ZNF829: variants seen among roughly 807,000 people sequenced by gnomAD.
ZNF829 encodes the protein zinc finger protein 829.
Under a neutral mutation model 35.2 loss-of-function variants are expected in ZNF829, and 25 were observed. That is an observed-to-expected ratio of 0.71 (90% CI 0.52 to 0.99). The LOEUF is 0.99. ZNF829 is among the 50% of genes least tolerant of loss of function. The probability of loss-of-function intolerance (pLI) is 0.00; values close to 1 mark genes in which losing one functional copy is unlikely to be tolerated. For missense variants in ZNF829, 417 were observed against 515.3 expected (o/e 0.81, Z 1.85); for synonymous variants, 136 against 163.2 (o/e 0.83, Z 1.27).
chr19:36,900,524 A>C (rs1382374754), intron 5 of ZNF829, among the ~76,000 whole-genome samples: 1 of 151,954 alleles, frequency 6.6e-6, no homozygotes, highest in African/African-American at 2.4e-5. Context: ...TATGTACCCA[A>C]AAAATTAAAA....
At position 36,907,944 on chromosome 19, in the gene ZNF829, T is replaced by G; in HGVS notation, c.304A>C (p.Arg102=). The change falls in exon 5 of 6, where the codon AGA becomes CGA. Residue 102 remains arginine (R), a synonymous_variant. Transcript: ENST00000391711. ...TCTTACTTACCTGAACACAGGCCTC[T>G]AGTCAGCTCTCTATCAACCATCCAG... The part of the protein sequence containing the change: ...EPWMVDRELT[R]GLCSDLESMC... The G allele has an allele frequency of 6.2e-7, 1 of 1,613,960 alleles. No homozygotes were observed. The highest frequency in any genetic ancestry group is 1.3e-5 in the African/African-American group (1 of 75,048).
At chr19:36,898,991 C>CA (rs1234390832) in intron 5 of ZNF829, among the ~76,000 whole-genome samples, 2 of 151,890 alleles carry the variant, frequency 1.3e-5, no homozygotes, top group African/African-American at 4.8e-5. Flanking sequence ...GGGGCAACAA[C>CA]AAAAAAATAG....
intron 5 of ZNF829, chr19:36,892,861 G>A (rs1194182105): frequency 1.7e-5 from 20 of 1,146,462 alleles, no homozygotes; most frequent in East Asian, 6.3e-5. Flanking sequence ...GTGTCTCCTC[G>A]TCGTACAGCT....
chr19:36,908,605 C>G (rs1263666263), intron 3 of ZNF829, 146 bp from the exon 4 acceptor site: 7 of 838,428 alleles, frequency 8.3e-6, no homozygotes, highest in Non-Finnish European at 5.1e-6. Flanking sequence ...AAGGGATATA[C>G]AAATAGACTG....
At chr19:36,896,118 T>C (rs1483081145) in intron 5 of ZNF829, among the ~76,000 whole-genome samples, 1 of 152,042 alleles carries the variant, frequency 6.6e-6, no homozygotes, top group Non-Finnish European at 1.5e-5. Flanking sequence ...GAGACCATCC[T>C]GGCTAACATG....
At chr19:36,904,459 G>A (rs970525252) in intron 5 of ZNF829, among the ~76,000 whole-genome samples, 3 of 152,138 alleles carry the variant, frequency 2.0e-5, no homozygotes, top group African/African-American at 7.2e-5. Flanking sequence ...GAGTGCAGTT[G>A]CATGATCTCA....
chr19:36,902,644 CAAAAT>C (rs376999920), intron 5 of ZNF829, among the ~76,000 whole-genome samples: 90 of 147,496 alleles, frequency 6.1e-4, no homozygotes, highest in African/African-American at 1.5e-3. Flanking sequence ...GACTCTGTCT[CAAAAT>C]AAAATAAAAT....
intron 5 of ZNF829, among the ~76,000 whole-genome samples, chr19:36,899,766 AAAAG>A (rs1238815001): frequency 1.4e-5 from 2 of 148,118 alleles, no homozygotes; most frequent in Admixed American, 6.7e-5. Context: ...AACAAAAAAA[AAAAG>A]AAAGAAGAAA....
intron 5 of ZNF829, chr19:36,907,013 AG>A (rs1421892549): frequency 6.9e-6 from 1 of 144,716 alleles, no homozygotes; most frequent in East Asian, 2.1e-4. Context: ...GCTTGAACCC[AG>A]GAGGCAGAGG....
At chr19:36,896,343 C>T (rs1280821808) in intron 5 of ZNF829, among the ~76,000 whole-genome samples, 5 of 151,274 alleles carry the variant, frequency 3.3e-5, no homozygotes, top group Non-Finnish European at 7.4e-5. Context: ...ATTAGCTGGG[C>T]GTGGTGGCAT....
At chr19:36,904,561 G>A (rs530421792) in intron 5 of ZNF829, among the ~76,000 whole-genome samples, 12 of 152,136 alleles carry the variant, frequency 7.9e-5, no homozygotes, top group East Asian at 5.8e-4. Flanking sequence ...CACTATGCCC[G>A]GTTAATTTTT....
In ZNF829 at chr19:36,908,466, CA is replaced by C. The variant is rs1175722484; in HGVS notation, c.97-8del. On this transcript the variant is annotated splice_region_variant and splice_polypyrimidine_tract_variant and intron_variant, in intron 3 of 5. Transcript: ENST00000391711. ...CCCTGAACATCACCGGCCCCTGAAA[CA>C]ACAAACATGCTTTCACAATGAAAGG... 1 of 1,587,466 alleles carries C rather than the reference CA, an allele frequency of 6.3e-7. No homozygotes were observed. Among genetic ancestry groups the C allele is most frequent in the African/African-American group, 1.4e-5 (1 of 73,460 alleles).
At chr19:36,910,469 G>A (rs1316037257) in intron 3 of ZNF829, among the ~76,000 whole-genome samples, 1 of 152,134 alleles carries the variant, frequency 6.6e-6, no homozygotes, top group East Asian at 1.9e-4. Context: ...AAGTTTCTTG[G>A]AAATTACAAT....
At chr19:36,915,796 C>T (rs2073319377) in intron 1 of ZNF829, 1 of 1,453,192 alleles carries the variant, frequency 6.9e-7, no homozygotes, top group African/African-American at 1.4e-5. Context: ...GGGGTTTCAC[C>T]ATGTTGGCCA....
At chr19:36,898,656 C>A (rs1185378297) in intron 5 of ZNF829, among the ~76,000 whole-genome samples, 1 of 152,104 alleles carries the variant, frequency 6.6e-6, no homozygotes, top group Non-Finnish European at 1.5e-5. Context: ...TAAAAATAGA[C>A]CCAAAGACCA....
intron 5 of ZNF829, among the ~76,000 whole-genome samples, chr19:36,901,074 A>G (rs942416153): frequency 6.6e-6 from 1 of 152,338 alleles, no homozygotes; most frequent in African/African-American, 2.4e-5. Context: ...ACTTATAGAC[A>G]TGTTCATACA....
At chr19:36,898,078 A>G (rs1287374405) in intron 5 of ZNF829, among the ~76,000 whole-genome samples, 3 of 152,162 alleles carry the variant, frequency 2.0e-5, no homozygotes, top group Non-Finnish European at 4.4e-5. Context: ...CTGAGGCAGA[A>G]CTGCTTGAAC....
chr19:36,916,036 G>T lies in ZNF829; in HGVS notation c.-110C>A. ...CTCCCAGATCTAAGGGTCCCGCCAG[G>T]AGTGACGAAACGTTCGAATTCCTGC... On this transcript the variant is annotated 5_prime_UTR_variant, in exon 1 of 6. Coordinates refer to ENST00000391711, the MANE Select transcript of ZNF829 (RefSeq NM_001037232.4). This position sits in a 1 kb window ranked among gnomAD's most constrained non-coding sequence, Gnocchi z 5.3. The T allele has an allele frequency of 8.9e-7, 1 of 1,118,596 alleles. No individual in the cohort carries two copies. The highest frequency in any genetic ancestry group is 1.2e-6 in the Non-Finnish European group (1 of 812,238). The allele number at this position is 1,118,596 out of a possible 1,614,324, so 69.3% of individuals were successfully genotyped here. A position where few individuals can be genotyped will look rare whatever the true frequency, so the allele number is the denominator to read the frequency against.
rs2073237237 is a variant in ZNF829 at position 36,908,454 on chromosome 19, CG to C, written c.101del (p.Pro34ArgfsTer2). ...DELLQAVSKG[P>X]VMFRDVSIDF... Reference sequence around the variant, plus strand: ...CTATGGAAACATCCCTGAACATCACCGGCCCCTGAAACAACAAACATGCTTT... The same window carrying C: ...CTATGGAAACATCCCTGAACATCACCGCCCCTGAAACAACAAACATGCTTT... On this transcript the variant is annotated frameshift_variant, in exon 4 of 6. Transcript: ENST00000391711. LOFTEE classifies it high-confidence loss of function. 6.3e-7 allele frequency: 1 copy of C among 1,593,816 alleles called. No individual in the cohort carries two copies. The highest frequency in any genetic ancestry group is 8.5e-7 in the Non-Finnish European group (1 of 1,171,480).
Sources: allele counts gnomAD v4.1 joint callset (sites outside exome capture counted in the v4.1 genomes callset), GRCh38; gene constraint gnomAD v4.1.1; non-coding constraint Gnocchi (gnomAD v3.1); transcripts MANE v1.5; gene names NCBI Gene and HGNC (gene_info 2026-07-23, HGNC 2026-07-21).